ZNF804A: variants seen among roughly 807,000 people sequenced by gnomAD.
ZNF804A encodes the protein zinc finger protein 804A.
ZNF804A carries 2 observed loss-of-function variants against 16.5 expected under a neutral mutation model. The ratio of observed to expected loss-of-function variants is 0.12; its 90% CI spans 0.05 to 0.38. The LOEUF (loss-of-function observed/expected upper bound fraction) is 0.38, where lower values mean the gene tolerates loss of function less well. Among genes scored for constraint, ZNF804A ranks in the 10% least tolerant of loss-of-function variants. ZNF804A has a pLI of 0.99. For missense variants in ZNF804A, 1,473 were observed against 1,390.7 expected (o/e 1.06, Z -0.94); for synonymous variants, 534 against 489.6 (o/e 1.09, Z -1.20).
intron 1 of ZNF804A, among the ~76,000 whole-genome samples, chr2:184,751,299 G>C (rs1162570049): frequency 6.6e-6 from 1 of 151,360 alleles, no homozygotes; most frequent in East Asian, 1.9e-4. Context: ...AAAAAATGGT[G>C]TTGAGAAAAC....
intron 1 of ZNF804A, among the ~76,000 whole-genome samples, chr2:184,644,266 A>G (rs539977737): frequency 3.3e-5 from 5 of 151,752 alleles, no homozygotes; most frequent in Non-Finnish European, 7.4e-5. Context: ...CTCATCTGTT[A>G]CATGGCATTG....
intron 1 of ZNF804A, among the ~76,000 whole-genome samples, chr2:184,782,053 G>C (rs1454939313): frequency 6.6e-6 from 1 of 151,664 alleles, no homozygotes; most frequent in Non-Finnish European, 1.5e-5. Flanking sequence ...ATAAGGATAT[G>C]AGTTAGTGGA....
chr2:184,652,740 T>C (rs1446617155), intron 1 of ZNF804A, among the ~76,000 whole-genome samples: 2 of 152,180 alleles, frequency 1.3e-5, no homozygotes, highest in Non-Finnish European at 2.9e-5. Flanking sequence ...AAATTTCATC[T>C]TGAATTGTAG....
At chr2:184,903,778 A>T (rs1444624843) in intron 2 of ZNF804A, among the ~76,000 whole-genome samples, 1 of 152,136 alleles carries the variant, frequency 6.6e-6, no homozygotes, top group Non-Finnish European at 1.5e-5. Context: ...ATGAGTTTGG[A>T]CATATGTGTG....
rs1685808352 is a variant in ZNF804A at position 184,937,318 on chromosome 2, A to G, written c.1922A>G (p.Lys641Arg). ...TATCTATTGGAACCAATTTCAGAAA[A>G]GCAGTATTTAGCTGCAGAGCAATTA... The part of the protein sequence containing the change: ...GKYLLEPISE[K>R]QYLAAEQLLD... Residue 641 changes from lysine to arginine, a missense_variant, in exon 4 of 4, where the codon AAG becomes AGG. Physicochemically the swap from Lys to Arg is conservative, Grantham distance 26. Transcript: ENST00000302277. 1 of 1,613,874 alleles carries G rather than the reference A, an allele frequency of 6.2e-7. No homozygotes were observed. The highest frequency in any genetic ancestry group is 1.1e-5 in the South Asian group (1 of 91,084).
chr2:184,786,727 C>T (rs923119594), intron 1 of ZNF804A, among the ~76,000 whole-genome samples: 17 of 151,774 alleles, frequency 1.1e-4, no homozygotes, highest in African/African-American at 2.9e-4. Context: ...AAATAAATAA[C>T]GTTGATTACT....
At chr2:184,677,647 T>C (rs1355462414) in intron 1 of ZNF804A, among the ~76,000 whole-genome samples, 1 of 152,020 alleles carries the variant, frequency 6.6e-6, no homozygotes, top group Admixed American at 6.6e-5. Flanking sequence ...TTTGTCTATA[T>C]ATTTTAAGTA....
At chr2:184,681,719 A>G (rs956231610) in intron 1 of ZNF804A, among the ~76,000 whole-genome samples, 2 of 152,204 alleles carry the variant, frequency 1.3e-5, no homozygotes, top group African/African-American at 2.4e-5. Flanking sequence ...TGCACTCCAT[A>G]TAGCTAGCAG....
chr2:184,724,789 G>A (rs1003435100), intron 1 of ZNF804A, among the ~76,000 whole-genome samples: 1 of 151,572 alleles, frequency 6.6e-6, no homozygotes, highest in Non-Finnish European at 1.5e-5. Context: ...TTGCAGGAAC[G>A]ACACAAAAAA....
chr2:184,733,601 T>G (rs1693558075), intron 1 of ZNF804A, among the ~76,000 whole-genome samples: 1 of 152,166 alleles, frequency 6.6e-6, no homozygotes, highest in Non-Finnish European at 1.5e-5. Context: ...TTACTATAAT[T>G]TCTTCCTTAC....
At chr2:184,724,458 G>A (rs182333093) in intron 1 of ZNF804A, among the ~76,000 whole-genome samples, 15 of 129,622 alleles carry the variant, frequency 1.2e-4, no homozygotes, top group Admixed American at 1.0e-3. Flanking sequence ...AATGAAGACA[G>A]GCAAAGAATC....
At chr2:184,926,284 ATT>A (rs35842377) in intron 2 of ZNF804A, among the ~76,000 whole-genome samples, 56,809 of 150,034 alleles carry the variant, frequency 0.38, 12,800 homozygotes, top group East Asian at 0.64. Context: ...TCTAGGGTAA[ATT>A]TTTTTTTTTT....
rs542179211 is a variant in ZNF804A, at chr2:184,894,994, G to A, written c.255+28482G>A. On this transcript the variant is annotated intron_variant, in intron 2 of 3. Transcript: ENST00000302277. ...CGTAAAAATAGAAGGCTACGATGAAGTTCAAGATTATTTACTGTATCTATT... is the reference window on the plus strand; with the variant it reads ...CGTAAAAATAGAAGGCTACGATGAAATTCAAGATTATTTACTGTATCTATT... Among the ~76,000 whole-genome samples the A allele has an allele frequency of 2.8e-4, 42 of 152,266 alleles. No individual in the cohort carries two copies. In the South Asian group the frequency reaches 7.7e-3, roughly 28 times the overall value.
rs1685792838 is a variant in ZNF804A at position 184,936,614 on chromosome 2, G to A, written c.1218G>A (p.Glu406=). 6.2e-7 allele frequency: 1 copy of A among 1,613,994 alleles called. No individual in the cohort carries two copies. The highest frequency in any genetic ancestry group is 8.5e-7 in the Non-Finnish European group (1 of 1,179,940). Residue 406 remains glutamate, a synonymous_variant, in exon 4 of 4, where the codon GAG becomes GAA. Coordinates refer to ENST00000302277, the MANE Select transcript of ZNF804A (RefSeq NM_194250.2). ...CATTGGCCCCTTCAAATACTGAAGA[G>A]GTTAACATAACTATACATAAGAAAA... ...PETLAPSNTE[E]VNITIHKKTN...
intron 1 of ZNF804A, among the ~76,000 whole-genome samples, chr2:184,751,719 G>A (rs1352994725): frequency 6.6e-6 from 1 of 151,528 alleles, no homozygotes; most frequent in Non-Finnish European, 1.5e-5. Context: ...GAAAACATTT[G>A]CAAATTATGC....
intron 1 of ZNF804A, among the ~76,000 whole-genome samples, chr2:184,612,235 ATAT>A (rs1298427833): frequency 1.3e-5 from 2 of 152,152 alleles, no homozygotes; most frequent in Non-Finnish European, 1.5e-5. Flanking sequence ...GCCATAAGTG[ATAT>A]TATATAAATA....
At chr2:184,786,219 G>A (rs1447175207) in intron 1 of ZNF804A, among the ~76,000 whole-genome samples, 1 of 151,892 alleles carries the variant, frequency 6.6e-6, no homozygotes, top group South Asian at 2.1e-4. Flanking sequence ...TAAATACTAG[G>A]AGAAGAATGG....
intron 1 of ZNF804A, among the ~76,000 whole-genome samples, chr2:184,798,213 C>T (rs1558964840): frequency 6.6e-6 from 1 of 151,970 alleles, no homozygotes; most frequent in East Asian, 1.9e-4. Flanking sequence ...TAACAATGTG[C>T]CTAGGTAATG....
intron 1 of ZNF804A, 47 bp downstream of exon 1, chr2:184,599,117 C>CATTTGGAAGATT (rs758143801): frequency 7.2e-6 from 10 of 1,397,940 alleles, no homozygotes; most frequent in Non-Finnish European, 9.1e-6. Context: ...TTTAAGAGGG[C>CATTTGGAAGATT]ATTTGGAAGA....
Sources: allele counts gnomAD v4.1 joint callset (sites outside exome capture counted in the v4.1 genomes callset), GRCh38; gene constraint gnomAD v4.1.1; transcripts MANE v1.5; gene names NCBI Gene and HGNC (gene_info 2026-07-23, HGNC 2026-07-21).